The following MAGI2 variants were observed in gnomAD, a reference collection of about 807,000 sequenced individuals.
The protein encoded by MAGI2 is membrane-associated guanylate kinase, WW and PDZ domain-containing protein 2.
Under a neutral mutation model 133.3 loss-of-function variants are expected in MAGI2, and 35 were observed. That is an observed-to-expected ratio of 0.26 (90% CI 0.20 to 0.35). The LOEUF (loss-of-function observed/expected upper bound fraction) is 0.35. MAGI2 is among the 10% of genes least tolerant of loss of function. The pLI, the probability that MAGI2 is intolerant of heterozygous loss-of-function variation, is 1.00. For synonymous variants in MAGI2, 729 were observed against 710.6 expected (o/e 1.03, Z -0.41); for missense variants, 1,636 against 1,863.4 (o/e 0.88, Z 2.25).
At chr7:79,086,071 A>G (rs908580398) in intron 1 of MAGI2, among the ~76,000 whole-genome samples, 2 of 151,898 alleles carry the variant, frequency 1.3e-5, no homozygotes, top group Admixed American at 6.6e-5. Context: ...CAAATATCAC[A>G]TTCCAAAGTT....
At chr7:79,201,294 G>T (rs561581787) in intron 1 of MAGI2, among the ~76,000 whole-genome samples, 41 of 152,110 alleles carry the variant, frequency 2.7e-4, no homozygotes, top group Non-Finnish European at 4.4e-4. Flanking sequence ...GGCCAGTTTT[G>T]ATTTCTTCCA....
intron 20 of MAGI2, among the ~76,000 whole-genome samples, chr7:78,082,280 G>C (rs565329761): frequency 1.3e-5 from 2 of 152,198 alleles, no homozygotes; most frequent in South Asian, 4.1e-4. Context: ...GAGACTTAAA[G>C]GAGAAGGCAT....
At chr7:78,434,327 A>T (rs1199544013) in intron 6 of MAGI2, among the ~76,000 whole-genome samples, 2 of 152,202 alleles carry the variant, frequency 1.3e-5, no homozygotes, top group East Asian at 1.9e-4. Context: ...CATATACTCA[A>T]ATTTAATTGT....
chr7:78,345,896 A>G, intron 8 of MAGI2, 26 bp downstream of exon 8: 1 of 1,607,930 alleles, frequency 6.2e-7, no homozygotes, highest in South Asian at 1.1e-5. Context: ...TCCCTTTGAA[A>G]CATCACATGC....
chr7:79,131,770 G>A (rs572546770), intron 1 of MAGI2, among the ~76,000 whole-genome samples: 1 of 151,820 alleles, frequency 6.6e-6, no homozygotes, highest in Admixed American at 6.6e-5. Context: ...AAACTTTCTT[G>A]AATTTAAATT....
intron 9 of MAGI2, among the ~76,000 whole-genome samples, chr7:78,293,160 G>C (rs979365720): frequency 5.9e-5 from 9 of 152,086 alleles, no homozygotes; most frequent in Non-Finnish European, 1.2e-4. Context: ...CTACAGAATG[G>C]GAGAAACTTT....
intron 1 of MAGI2, among the ~76,000 whole-genome samples, chr7:79,216,978 A>G (rs1464364001): frequency 6.6e-6 from 1 of 152,128 alleles, no homozygotes; most frequent in Non-Finnish European, 1.5e-5. Flanking sequence ...TGTTAGAAAC[A>G]TCATTGTTAA....
chr7:78,045,135 C>G (rs1811291390), intron 21 of MAGI2, among the ~76,000 whole-genome samples: 1 of 152,104 alleles, frequency 6.6e-6, no homozygotes, highest in Non-Finnish European at 1.5e-5. Flanking sequence ...CCACTGAACT[C>G]TAGCCTGGCG....
chr7:78,657,694 A>G (rs148510014), intron 2 of MAGI2, among the ~76,000 whole-genome samples: 32 of 152,360 alleles, frequency 2.1e-4, no homozygotes, highest in African/African-American at 6.5e-4. Context: ...TGTGATTTTT[A>G]GAGCAGTGAA....
At chr7:79,298,803 A>C (rs1563090952) in intron 1 of MAGI2, among the ~76,000 whole-genome samples, 1 of 152,174 alleles carries the variant, frequency 6.6e-6, no homozygotes, top group Non-Finnish European at 1.5e-5. Context: ...ACTAGTGTAC[A>C]TATAAGAAGA....
In MAGI2 at chr7:78,132,969, C is replaced by T. The variant is rs1418143177; in HGVS notation, c.3123G>A (p.Gln1041=). 3 of 1,613,288 alleles carry T rather than the reference C, an allele frequency of 1.9e-6. No individual in the cohort carries two copies. The highest frequency in any genetic ancestry group is 2.7e-5 in the African/African-American group (2 of 74,962). Residue 1041 remains glutamine (Q), a synonymous_variant, in exon 18 of 22, where the codon CAG becomes CAA. Transcript: ENST00000354212. ...GGCTGTTGGGGGTGGCTGGGCTTGG[C>T]TGGGCCAGGGGACTCTGCTGTGCCA... ...SPLAQQSPLA[Q]PSPATPNSPI...
intron 1 of MAGI2, among the ~76,000 whole-genome samples, chr7:79,406,268 A>G (rs1315041052): frequency 6.6e-6 from 1 of 152,086 alleles, no homozygotes; most frequent in Non-Finnish European, 1.5e-5. Flanking sequence ...CCAAGATAAT[A>G]AGAGACCTGG....
At chr7:78,814,638 C>T (rs1311882195) in intron 2 of MAGI2, among the ~76,000 whole-genome samples, 1 of 151,610 alleles carries the variant, frequency 6.6e-6, no homozygotes, top group Non-Finnish European at 1.5e-5. Flanking sequence ...GTGCACAAAC[C>T]CTGGTGAAAC....
chr7:78,449,141 C>T (rs1788458304), intron 6 of MAGI2, among the ~76,000 whole-genome samples: 1 of 152,020 alleles, frequency 6.6e-6, no homozygotes, highest in African/African-American at 2.4e-5. Context: ...ATCATTGGCA[C>T]CTTGCTTCTG....
At chr7:78,345,889 C>T in intron 8 of MAGI2, 33 bp downstream of exon 8, 1 of 1,607,058 alleles carries the variant, frequency 6.2e-7, no homozygotes, top group Non-Finnish European at 8.5e-7. Context: ...ACAATTTTCC[C>T]TTTGAAACAT....
At chr7:79,066,827 G>T (rs1814387711) in intron 1 of MAGI2, among the ~76,000 whole-genome samples, 1 of 152,062 alleles carries the variant, frequency 6.6e-6, no homozygotes. Context: ...TTATGCATAT[G>T]GCTAGCCAGT....
At chr7:78,616,043 TAAAC>T (rs888201425) in intron 3 of MAGI2, 2 of 152,166 alleles carry the variant, frequency 1.3e-5, no homozygotes, top group African/African-American at 4.8e-5. Context: ...AAAGGAATAA[TAAAC>T]AAACCTATCC....
At chr7:78,175,921 A>G (rs924445273) in intron 14 of MAGI2, among the ~76,000 whole-genome samples, 3 of 152,242 alleles carry the variant, frequency 2.0e-5, no homozygotes, top group Admixed American at 6.5e-5. Context: ...GCCAAGCTGT[A>G]TAAATATCCT....
chr7:78,805,434 T>C (rs1788495368), intron 2 of MAGI2, among the ~76,000 whole-genome samples: 1 of 152,022 alleles, frequency 6.6e-6, no homozygotes, highest in Non-Finnish European at 1.5e-5. Context: ...GAAGGGAAAG[T>C]GCTGAAGAGG....
Sources: allele counts gnomAD v4.1 joint callset (sites outside exome capture counted in the v4.1 genomes callset), GRCh38; gene constraint gnomAD v4.1.1; transcripts MANE v1.5; gene names NCBI Gene and HGNC (gene_info 2026-07-23, HGNC 2026-07-21).